The following DLG2 variants were observed in gnomAD, a reference collection of about 807,000 sequenced individuals.
DLG2 encodes the protein discs large MAGUK scaffold protein 2, also known as disks large homolog 2.
Under a neutral mutation model 132.5 loss-of-function variants are expected in DLG2, and 45 were observed. The observed-to-expected ratio is 0.34, with a 90% CI of 0.27 to 0.44. The LOEUF (loss-of-function observed/expected upper bound fraction) is 0.44. Ranked by LOEUF, DLG2 falls within the 20% of genes least tolerant of loss-of-function variation. The pLI, the probability that DLG2 is intolerant of heterozygous loss-of-function variation, is 1.00. For synonymous variants in DLG2, 424 were observed against 419.6 expected (o/e 1.01, Z -0.13); for missense variants, 1,045 against 1,196.9 (o/e 0.87, Z 1.87).
In DLG2 at chr11:85,578,342, A is replaced by T. The variant is rs2078289583; in HGVS notation, c.40+20315T>A. Among the ~76,000 whole-genome samples, 3 of 152,336 alleles carry T rather than the reference A, an allele frequency of 2.0e-5. No individual in the cohort carries two copies. The South Asian group carries it at 6.2e-4, about 32-fold the overall frequency. On this transcript the variant is annotated intron_variant, in intron 3 of 27. Transcript: ENST00000376104. ...GGACATGGGAATGGGCAAATAATTC[A>T]TGATAAAGATGCCAAAAGCAATTGC...
intron 18 of DLG2, among the ~76,000 whole-genome samples, chr11:83,662,064 A>T (rs566500004): frequency 7.9e-5 from 12 of 151,456 alleles, no homozygotes; most frequent in African/African-American, 2.2e-4. Flanking sequence ...TTAAATACCA[A>T]TTTTTTTGGT....
Position 83,905,332 on chromosome 11 carries a change from T to C in DLG2, c.1496+24996A>G, listed in dbSNP as rs151307620. Among the ~76,000 whole-genome samples the C allele has an allele frequency of 4.2e-3, 639 of 152,262 alleles. 4 individuals carry two copies. The highest frequency in any genetic ancestry group is 7.6e-3 in the African/African-American group (314 of 41,562). ...TTTCTCTCACTTTTGATCTGATTCT[T>C]ACCCATCCTCTGGGGCTCCATTAAA... is the stretch of plus-strand genomic sequence containing the variant. On this transcript the variant is annotated intron_variant, in intron 15 of 27. Coordinates refer to ENST00000376104, the MANE Select transcript of DLG2 (RefSeq NM_001142699.3).
chr11:84,659,535 C>T (rs2099692232), intron 6 of DLG2, among the ~76,000 whole-genome samples: 2 of 152,012 alleles, frequency 1.3e-5, no homozygotes, highest in African/African-American at 4.8e-5. Context: ...TTATCTGGAG[C>T]AAGAAACAAA....
At chr11:85,453,707 G>T (rs10898392) in intron 3 of DLG2, 63,959 of 152,020 alleles carry the variant, frequency 0.42, 13,867 homozygotes, top group Middle Eastern at 0.58. Flanking sequence ...TCCTTGGATT[G>T]CCTTGGCCAG....
intron 11 of DLG2, among the ~76,000 whole-genome samples, chr11:84,007,343 A>G (rs1052011928): frequency 6.6e-6 from 1 of 151,668 alleles, no homozygotes; most frequent in African/African-American, 2.4e-5. Context: ...TTATGTGACA[A>G]GTGTTAATAT....
chr11:83,528,059 T>G (rs956937829), intron 21 of DLG2, among the ~76,000 whole-genome samples: 1 of 152,174 alleles, frequency 6.6e-6, no homozygotes, highest in African/African-American at 2.4e-5. Context: ...CCAGGGGAGC[T>G]TGACTGCATT....
intron 3 of DLG2, among the ~76,000 whole-genome samples, chr11:85,567,765 G>T (rs2077608686): frequency 6.6e-6 from 1 of 151,990 alleles, no homozygotes; most frequent in Non-Finnish European, 1.5e-5. Flanking sequence ...TGGGTTTTTT[G>T]CAGATTCCCT....
At chr11:85,205,175 T>G (rs1489461132) in intron 4 of DLG2, among the ~76,000 whole-genome samples, 1 of 148,308 alleles carries the variant, frequency 6.7e-6, no homozygotes, top group South Asian at 2.1e-4. Context: ...GATATATATA[T>G]ATATAACAAT....
chr11:83,576,461 A>G (rs1303628443), intron 19 of DLG2, among the ~76,000 whole-genome samples: 1 of 152,176 alleles, frequency 6.6e-6, no homozygotes, highest in East Asian at 1.9e-4. Context: ...AAAGAGAAAC[A>G]CACCAAGATA....
rs996331794 is a variant in DLG2, at chr11:84,151,909, T to C, written c.624+11552A>G. 3.3e-5 allele frequency among the ~76,000 whole-genome samples: 5 copies of C among 152,204 alleles called. No individual in the cohort carries two copies. The East Asian group carries it at 7.7e-4, about 23-fold the overall frequency. ...TTTATTGCACTGTAGTTTGAGAGTA[T>C]GTTTGGTATGATTTTTATTTCTTTG... On this transcript the variant is annotated intron_variant, in intron 9 of 27. Transcript: ENST00000376104.
chr11:85,619,724 C>T (rs2081572133), intron 2 of DLG2, among the ~76,000 whole-genome samples: 1 of 152,008 alleles, frequency 6.6e-6, no homozygotes, highest in Non-Finnish European at 1.5e-5. Flanking sequence ...ATCCCAGCTA[C>T]TCGGCAGGCT....
At chr11:85,254,291 G>A (rs1036480480) in intron 4 of DLG2, among the ~76,000 whole-genome samples, 4 of 152,156 alleles carry the variant, frequency 2.6e-5, no homozygotes, top group Non-Finnish European at 5.9e-5. Flanking sequence ...TTCTCAAAAT[G>A]GAAGACATCT....
At chr11:83,572,782 C>T (rs1370913048) in intron 19 of DLG2, among the ~76,000 whole-genome samples, 3 of 152,132 alleles carry the variant, frequency 2.0e-5, no homozygotes, top group Non-Finnish European at 4.4e-5. Flanking sequence ...GGATGGGTCT[C>T]TTGGTTATAC....
chr11:84,808,686 A>G (rs2076251876), intron 6 of DLG2, among the ~76,000 whole-genome samples: 1 of 152,034 alleles, frequency 6.6e-6, no homozygotes, highest in African/African-American at 2.4e-5. Context: ...TTCTATACAC[A>G]TAAATTTGAC....
chr11:83,831,089 A>G (rs2153998854), intron 17 of DLG2, among the ~76,000 whole-genome samples: 1 of 152,266 alleles, frequency 6.6e-6, no homozygotes, highest in East Asian at 1.9e-4. Flanking sequence ...CTTTTTTGGG[A>G]GACTGCTATG....
chr11:84,402,418 G>A (rs1377599983), intron 7 of DLG2, among the ~76,000 whole-genome samples: 1 of 152,026 alleles, frequency 6.6e-6, no homozygotes, highest in African/African-American at 2.4e-5. Flanking sequence ...ATATTAAGTG[G>A]CAACATAGAT....
intron 18 of DLG2, among the ~76,000 whole-genome samples, chr11:83,749,602 AC>A (rs1261252565): frequency 6.6e-6 from 1 of 152,094 alleles, no homozygotes; most frequent in Admixed American, 6.5e-5. Flanking sequence ...TCCAGCCTGC[AC>A]CCCAGCTGTA....
At chr11:84,012,885 T>C (rs1408363248) in intron 11 of DLG2, among the ~76,000 whole-genome samples, 1 of 152,154 alleles carries the variant, frequency 6.6e-6, no homozygotes, top group Non-Finnish European at 1.5e-5. Context: ...AAATACACTG[T>C]AACCAAGGTG....
intron 2 of DLG2, among the ~76,000 whole-genome samples, chr11:85,599,365 TCTC>T (rs1272070340): frequency 2.6e-5 from 4 of 151,932 alleles, no homozygotes; most frequent in Admixed American, 2.6e-4. Flanking sequence ...TCTCTCTCTC[TCTC>T]TACTTTTTCT....
Sources: gnomAD v4.1 joint callset for allele counts (sites outside exome capture counted in the v4.1 genomes callset) on GRCh38, gnomAD v4.1.1 for gene constraint, MANE v1.5 for transcripts, NCBI Gene and HGNC (gene_info 2026-07-23, HGNC 2026-07-21) for gene names.